Variants in ADAMTS2 observed in about 807,000 individuals in gnomAD.
ADAMTS2 encodes A disintegrin and metalloproteinase with thrombospondin motifs 2.
ADAMTS2 carries 50 observed loss-of-function variants against 123.0 expected under a neutral mutation model. The ratio of observed to expected loss-of-function variants is 0.41; its 90% CI spans 0.32 to 0.51. The LOEUF is 0.51. ADAMTS2 is among the 20% of genes least tolerant of loss of function. The pLI is 0.35. For synonymous variants in ADAMTS2, 678 were observed against 695.4 expected (o/e 0.98, Z 0.39); for missense variants, 1,494 against 1,705.2 (o/e 0.88, Z 2.18).
intron 2 of ADAMTS2, among the ~76,000 whole-genome samples, chr5:179,310,774 G>A (rs1379509703): frequency 1.3e-5 from 2 of 152,182 alleles, no homozygotes; most frequent in Non-Finnish European, 2.9e-5. Context: ...TCAAAGGTGG[G>A]TGTAGAGGCC....
chr5:179,270,077 C>T (rs1766487227), intron 3 of ADAMTS2, among the ~76,000 whole-genome samples: 1 of 152,216 alleles, frequency 6.6e-6, no homozygotes, highest in Non-Finnish European at 1.5e-5. Context: ...ACACTCATCC[C>T]TGGCCTGTCT....
chr5:179,189,510 G>GCTTTTTTTTTTTTT lies in ADAMTS2; in HGVS notation c.892-8356_892-8355insAAAAAAAAAAAAAG, dbSNP rs1554128903. On this transcript the variant is annotated intron_variant, in intron 4 of 21. Transcript: ENST00000251582. This position sits in a 1 kb window ranked among gnomAD's most constrained non-coding sequence, Gnocchi z 4.2. ...CTACAGGCGCCCGCCAGTGCGCCTG[G>GCTTTTTTTTTTTTT]TTTTTTTTTTTTTTTTTTTTTTTTT... 4.2e-4 allele frequency among the ~76,000 whole-genome samples: 33 copies of GCTTTTTTTTTTTTT among 78,954 alleles called. 11 individuals carry two copies. Among genetic ancestry groups the GCTTTTTTTTTTTTT allele is most frequent in the Admixed American group, 8.6e-4 (5 of 5,808 alleles). 51.8% of individuals were successfully genotyped at this position (78,954 alleles called of 152,430 possible).
chr5:179,344,047 C>T lies in ADAMTS2; in HGVS notation c.254G>A (p.Arg85Gln). 2.5e-6 allele frequency: 4 copies of T among 1,612,398 alleles called. No homozygotes were observed. Among genetic ancestry groups the T allele is most frequent in the Non-Finnish European group, 3.4e-6 (4 of 1,179,806 alleles). ...VSAATSRAGV[R>Q]ARRAAPVRTP... The stretch of plus-strand genomic sequence containing the variant: ...CCGGACCGGGGCGGCCCTGCGGGCT[C>T]GTACCCCTGCTCTGGACGTAGCTGC... The change falls in exon 2 of 22, where the codon CGA becomes CAA. Residue 85 changes from arginine to glutamine, a missense_variant. This residue lies in a region of ADAMTS2 where 237 missense variants were observed against 233.7 expected (regional missense o/e 1.01). Transcript: ENST00000251582.
At position 179,121,704 on chromosome 5, in the gene ADAMTS2, C is replaced by T. The variant is rs753027177; in HGVS notation, c.3135G>A (p.Leu1045=). 5.0e-6 allele frequency: 8 copies of T among 1,596,312 alleles called. No individual in the cohort carries two copies. The highest frequency in any genetic ancestry group is 2.7e-5 in the African/African-American group (2 of 74,214). The change falls in exon 21 of 22, where the codon CTG becomes CTA. Residue 1045 remains leucine, a synonymous_variant. Transcript: ENST00000251582. ...TGGGCGAGTCGGGGTCCGGGCGGGA[C>T]AGCCACTGAACTACGTAGCTCTTCT... The part of the protein sequence containing the change: ...PSKKSYVVQW[L]SRPDPDSPIR...
chr5:179,341,309 G>T, intron 2 of ADAMTS2: 1 of 376,960 alleles, frequency 2.7e-6, no homozygotes, highest in South Asian at 1.9e-5. Flanking sequence ...ATCGCTTGAG[G>T]TCGGGAGTTT....
chr5:179,155,196 A>C lies in ADAMTS2; in HGVS notation c.1133-277T>G, dbSNP rs1459493456. On this transcript the variant is annotated intron_variant, in intron 6 of 21. Transcript: ENST00000251582. The surrounding 1 kb of genome is among the most constrained non-coding windows in gnomAD (Gnocchi z 5.1). ...TGCAGCTGGGGCCCTCTGCTTAGTCAGATGTCACCTGCTATGGCTTGTCTG... is the reference window on the plus strand; with the variant it reads ...TGCAGCTGGGGCCCTCTGCTTAGTCCGATGTCACCTGCTATGGCTTGTCTG... Among the ~76,000 whole-genome samples the C allele has an allele frequency of 6.6e-6, 1 of 152,202 alleles. No homozygotes were observed. Among genetic ancestry groups the C allele is most frequent in the Non-Finnish European group, 1.5e-5 (1 of 68,024 alleles).
chr5:179,245,796 C>CAAAAAA (rs796076369), intron 3 of ADAMTS2, among the ~76,000 whole-genome samples: 2 of 73,784 alleles, frequency 2.7e-5, no homozygotes, highest in Non-Finnish European at 5.2e-5. Context: ...AAAAAAAAAA[C>CAAAAAA]AAAAAAAACA....
At chr5:179,245,628 T>TGGTAGCGGGCGC (rs1406304628) in intron 3 of ADAMTS2, among the ~76,000 whole-genome samples, 4 of 148,752 alleles carry the variant, frequency 2.7e-5, no homozygotes, top group African/African-American at 1.0e-4. Context: ...TAGCCGGGCG[T>TGGTAGCGGGCGC]GGTAGCGGGC....
At chr5:179,212,991 C>A (rs1764897538) in intron 3 of ADAMTS2, among the ~76,000 whole-genome samples, 2 of 152,268 alleles carry the variant, frequency 1.3e-5, no homozygotes, top group Middle Eastern at 6.8e-3. Flanking sequence ...AGGGAGCCCG[C>A]TGCCTCCCAT....
chr5:179,207,750 C>A, intron 3 of ADAMTS2, 35 bp from the exon 4 acceptor site: 1 of 1,595,182 alleles, frequency 6.3e-7, no homozygotes, highest in Non-Finnish European at 8.5e-7. Context: ...AGCGGCAGGG[C>A]AAACCCACCC....
intron 2 of ADAMTS2, among the ~76,000 whole-genome samples, chr5:179,326,750 G>A (rs891913834): frequency 6.6e-6 from 1 of 152,112 alleles, no homozygotes; most frequent in African/African-American, 2.4e-5. Context: ...AGGCTCGCTC[G>A]CCCAGGGAGG....
At chr5:179,267,554 G>A (rs564303596) in intron 3 of ADAMTS2, among the ~76,000 whole-genome samples, 4 of 152,344 alleles carry the variant, frequency 2.6e-5, no homozygotes, top group Admixed American at 2.6e-4. Context: ...AGGATGGGAA[G>A]CACCTGCCCC....
chr5:179,233,813 C>A (rs1765467167), intron 3 of ADAMTS2, among the ~76,000 whole-genome samples: 1 of 152,198 alleles, frequency 6.6e-6, no homozygotes, highest in African/African-American at 2.4e-5. Context: ...AAGGACCAGG[C>A]ACCAAGGTCT....
At chr5:179,150,066 G>A (rs1763325275) in intron 10 of ADAMTS2, among the ~76,000 whole-genome samples, 3 of 152,148 alleles carry the variant, frequency 2.0e-5, no homozygotes, top group African/African-American at 7.2e-5. Flanking sequence ...GGAAAAGCAG[G>A]GGGCAATCAG....
chr5:179,163,473 C>T (rs1404074915), intron 5 of ADAMTS2, among the ~76,000 whole-genome samples: 1 of 152,170 alleles, frequency 6.6e-6, no homozygotes, highest in East Asian at 1.9e-4. Flanking sequence ...CTGGATTCTA[C>T]AGACACCTAC....
At chr5:179,280,365 G>A (rs1230677064) in intron 2 of ADAMTS2, among the ~76,000 whole-genome samples, 3 of 152,134 alleles carry the variant, frequency 2.0e-5, no homozygotes, top group Admixed American at 6.5e-5. Flanking sequence ...TTTCCAATGC[G>A]GTCATGGCCA....
intron 2 of ADAMTS2, among the ~76,000 whole-genome samples, chr5:179,336,418 C>T (rs368557213): frequency 3.3e-5 from 5 of 152,220 alleles, no homozygotes; most frequent in African/African-American, 2.4e-5. Flanking sequence ...ACTCAGTTCC[C>T]GGGAGCCGTG....
At chr5:179,338,657 G>A (rs1757687307) in intron 2 of ADAMTS2, among the ~76,000 whole-genome samples, 1 of 152,212 alleles carries the variant, frequency 6.6e-6, no homozygotes, top group South Asian at 2.1e-4. Flanking sequence ...GGTCACGGGG[G>A]CCTTGAATGC....
At chr5:179,194,130 G>A (rs1172446419) in intron 4 of ADAMTS2, among the ~76,000 whole-genome samples, 2 of 152,328 alleles carry the variant, frequency 1.3e-5, no homozygotes, top group East Asian at 1.9e-4. Context: ...AGGACAGGAT[G>A]CTGGGAGGCT....
Sources: gnomAD v4.1 joint callset for allele counts (sites outside exome capture counted in the v4.1 genomes callset) on GRCh38, gnomAD v4.1.1 for gene constraint, gnomAD v4.1.1 regional missense constraint, Gnocchi (gnomAD v3.1) non-coding constraint, MANE v1.5 for transcripts, NCBI Gene and HGNC (gene_info 2026-07-23, HGNC 2026-07-21) for gene names.